The following PPP2R2B variants were observed in gnomAD, a reference collection of about 807,000 sequenced individuals.
PPP2R2B encodes the protein serine/threonine-protein phosphatase 2A 55 kDa regulatory subunit B beta isoform.
A neutral mutation model predicts 46.0 loss-of-function variants in PPP2R2B; 5 were observed. That is an observed-to-expected ratio of 0.11 (90% CI 0.06 to 0.23). The LOEUF (loss-of-function observed/expected upper bound fraction) is 0.23. Ranked by LOEUF, PPP2R2B falls within the 10% of genes least tolerant of loss-of-function variation. The probability of loss-of-function intolerance (pLI) is 1.00; values close to 1 mark genes in which losing one functional copy is unlikely to be tolerated. For missense variants in PPP2R2B, 367 were observed against 575.0 expected, an observed-to-expected ratio of 0.64 and a Z score of 3.70; for synonymous variants, 215 against 206.7, an observed-to-expected ratio of 1.04 and a Z score of -0.34.
chr5:146,981,193 A>G (rs966828020), intron 1 of PPP2R2B, among the ~76,000 whole-genome samples: 5 of 152,172 alleles, frequency 3.3e-5, no homozygotes, highest in African/African-American at 1.2e-4. Flanking sequence ...TTGCTGAAGT[A>G]ATGGATTCAG....
rs1754492200 is a variant in PPP2R2B, at chr5:147,007,371, C to A, written c.79+48294G>T. The stretch of plus-strand genomic sequence containing the variant: ...GTCTAGCTAAAGGTTTGTAAACGCA[C>A]CAATCAGCACTCTGTAAAAATGCAC... On this transcript the variant is annotated intron_variant, in intron 1 of 8. Transcript: ENST00000336640. Among the ~76,000 whole-genome samples, 3 of 152,048 alleles carry A rather than the reference C, an allele frequency of 2.0e-5. No individual in the cohort carries two copies. The South Asian group carries it at 6.2e-4, about 32-fold the overall frequency.
chr5:147,045,039 G>A (rs1366795929), intron 1 of PPP2R2B, among the ~76,000 whole-genome samples: 2 of 152,122 alleles, frequency 1.3e-5, no homozygotes, highest in African/African-American at 4.8e-5. Context: ...TTCTTTGTCT[G>A]GATGTCAAGA....
intron 1 of PPP2R2B, among the ~76,000 whole-genome samples, chr5:147,038,860 G>A (rs943670948): frequency 6.6e-5 from 10 of 152,146 alleles, no homozygotes; most frequent in African/African-American, 2.4e-4. Context: ...GTAGGATTAA[G>A]TAAACTGCCT....
chr5:147,069,617 T>C (rs6868183), intron 2 of PPP2R2B, among the ~76,000 whole-genome samples: 7,240 of 152,042 alleles, frequency 0.048, 296 homozygotes, highest in African/African-American at 0.11. Flanking sequence ...TGTTGTCTCC[T>C]GTGTCTAAAC....
chr5:147,029,809 C>T lies in PPP2R2B; in HGVS notation c.79+25856G>A, dbSNP rs916131515. Among the ~76,000 whole-genome samples the T allele has an allele frequency of 3.0e-4, 45 of 152,148 alleles. 1 individual carries two copies. The highest frequency in any genetic ancestry group is 5.9e-4 in the Admixed American group (9 of 15,272). ...GCTGTCTGCAAGCCAAGAAGAGAGG[C>T]TTCACCAGAAACCCATCCCGCCAGC... On this transcript the variant is annotated intron_variant, in intron 1 of 8. Transcript: ENST00000336640.
intron 2 of PPP2R2B, among the ~76,000 whole-genome samples, chr5:146,795,626 G>C (rs898563691): frequency 2.0e-5 from 3 of 152,114 alleles, no homozygotes; most frequent in African/African-American, 7.2e-5. Context: ...CTTGAAATTT[G>C]CTAAGAGTAG....
At chr5:146,675,550 T>C (rs1391457375) in intron 5 of PPP2R2B, among the ~76,000 whole-genome samples, 1 of 152,180 alleles carries the variant, frequency 6.6e-6, no homozygotes, top group South Asian at 2.1e-4. Flanking sequence ...AAATCTAGGA[T>C]GAAACATATA....
At chr5:146,763,802 A>C (rs1383350315) in intron 2 of PPP2R2B, among the ~76,000 whole-genome samples, 1 of 152,164 alleles carries the variant, frequency 6.6e-6, no homozygotes, top group African/African-American at 2.4e-5. Flanking sequence ...GGCTCACTGC[A>C]ACTTTGACTT....
intron 2 of PPP2R2B, among the ~76,000 whole-genome samples, chr5:146,772,982 T>C (rs1222606712): frequency 6.6e-6 from 1 of 152,204 alleles, no homozygotes; most frequent in African/African-American, 2.4e-5. Context: ...AGATGTCAAA[T>C]AGCACTCAAT....
intron 1 of PPP2R2B, among the ~76,000 whole-genome samples, chr5:147,012,179 T>C (rs888955282): frequency 2.0e-5 from 3 of 151,972 alleles, no homozygotes; most frequent in African/African-American, 7.3e-5. Context: ...GTACCTCTGG[T>C]AGAATTCAGC....
Position 146,892,737 on chromosome 5 carries a change from G to C in PPP2R2B, c.79+162928C>G, listed in dbSNP as rs144803171. On this transcript the variant is annotated intron_variant, in intron 1 of 8. Transcript: ENST00000336640. ...AAAGAGGTGCAGTTTGAAAAAAAGC[G>C]TCATGCTATAGCCCTCTGTTGTAGG... Among the ~76,000 whole-genome samples the C allele has an allele frequency of 1.6e-3, 237 of 152,228 alleles. 3 individuals carry two copies. Among genetic ancestry groups the C allele is most frequent in the African/African-American group, 5.1e-3 (211 of 41,536 alleles).
At chr5:146,737,965 CGTT>C (rs2151216310) in intron 2 of PPP2R2B, among the ~76,000 whole-genome samples, 1 of 151,116 alleles carries the variant, frequency 6.6e-6, no homozygotes, top group South Asian at 2.1e-4. Context: ...ACAAAAAAAA[CGTT>C]GTTAGAAACC....
chr5:146,758,179 G>A (rs750888377), intron 2 of PPP2R2B, among the ~76,000 whole-genome samples: 10 of 152,098 alleles, frequency 6.6e-5, no homozygotes, highest in Non-Finnish European at 1.3e-4. Flanking sequence ...ACTCATACAA[G>A]CATTCTCCTT....
intron 1 of PPP2R2B, among the ~76,000 whole-genome samples, chr5:147,025,354 C>A (rs1755475291): frequency 2.0e-5 from 3 of 151,454 alleles, no homozygotes; most frequent in African/African-American, 2.4e-5. Context: ...AAAGAAATAC[C>A]AATCTTATGT....
chr5:146,731,117 T>C (rs1043794838), intron 2 of PPP2R2B, among the ~76,000 whole-genome samples: 2 of 152,198 alleles, frequency 1.3e-5, no homozygotes, highest in Non-Finnish European at 2.9e-5. Flanking sequence ...TATCAGCTAA[T>C]CCAACAATCA....
intron 1 of PPP2R2B, among the ~76,000 whole-genome samples, chr5:147,026,396 A>T (rs1755529063): frequency 6.6e-6 from 1 of 152,168 alleles, no homozygotes; most frequent in Non-Finnish European, 1.5e-5. Flanking sequence ...TATATATATA[A>T]AATTCTAGAA....
intron 1 of PPP2R2B, among the ~76,000 whole-genome samples, chr5:146,892,564 C>A (rs968564420): frequency 6.6e-6 from 1 of 152,150 alleles, no homozygotes; most frequent in Admixed American, 6.5e-5. Flanking sequence ...ATCAGGCCTT[C>A]AGTCTTTACC....
At chr5:146,805,546 T>G (rs771888069) in intron 2 of PPP2R2B, among the ~76,000 whole-genome samples, 11 of 152,246 alleles carry the variant, frequency 7.2e-5, no homozygotes, top group Non-Finnish European at 1.0e-4. Flanking sequence ...TAACATGCTT[T>G]AATTTTTGCT....
intron 7 of PPP2R2B, among the ~76,000 whole-genome samples, chr5:146,604,541 G>A (rs929620529): frequency 4.6e-5 from 7 of 152,168 alleles, no homozygotes; most frequent in Admixed American, 4.6e-4. Flanking sequence ...TGAGAAACCT[G>A]ATAGCCCAGT....
Sources: gnomAD v4.1 joint callset for allele counts (sites outside exome capture counted in the v4.1 genomes callset) on GRCh38, gnomAD v4.1.1 for gene constraint, MANE v1.5 for transcripts, NCBI Gene and HGNC (gene_info 2026-07-23, HGNC 2026-07-21) for gene names.